The following CDC42BPA variants were observed in gnomAD, a reference collection of about 807,000 sequenced individuals.
The protein encoded by CDC42BPA is CDC42 binding protein kinase alpha.
Under a neutral mutation model 223.5 loss-of-function variants are expected in CDC42BPA, and 80 were observed. That is an observed-to-expected ratio of 0.36 (90% CI 0.30 to 0.43). The LOEUF (loss-of-function observed/expected upper bound fraction) is 0.43. Ranked by LOEUF, CDC42BPA falls within the 20% of genes least tolerant of loss-of-function variation. The probability of loss-of-function intolerance (pLI) is 1.00; values close to 1 mark genes in which losing one functional copy is unlikely to be tolerated. For missense variants in CDC42BPA, 1,743 were observed against 2,099.9 expected, an observed-to-expected ratio of 0.83 and a Z score of 3.32; for synonymous variants, 694 against 718.6, an observed-to-expected ratio of 0.97 and a Z score of 0.55.
At chr1:227,044,329 T>G (rs1044159645) in intron 23 of CDC42BPA, among the ~76,000 whole-genome samples, 5 of 152,240 alleles carry the variant, frequency 3.3e-5, no homozygotes, top group African/African-American at 1.2e-4. Context: ...AAAGCATTTT[T>G]AATTTTGATA....
intron 1 of CDC42BPA, among the ~76,000 whole-genome samples, chr1:227,295,541 A>G (rs1405727723): frequency 1.3e-5 from 2 of 152,234 alleles, no homozygotes; most frequent in African/African-American, 4.8e-5. Context: ...AGTACACACA[A>G]TGAAGAGATA....
intron 10 of CDC42BPA, among the ~76,000 whole-genome samples, chr1:227,129,589 C>A (rs1410307219): frequency 7.0e-6 from 1 of 143,834 alleles, no homozygotes; most frequent in East Asian, 2.1e-4. Flanking sequence ...ATTGCTTGAG[C>A]CCCGGAGGTT....
intron 6 of CDC42BPA, among the ~76,000 whole-genome samples, chr1:227,157,156 T>C (rs1662974827): frequency 2.0e-5 from 3 of 152,346 alleles, no homozygotes. Context: ...GTACCTTTTA[T>C]GTAAATTAAA....
chr1:227,138,121 T>C (rs1390713513), intron 10 of CDC42BPA, among the ~76,000 whole-genome samples: 1 of 152,088 alleles, frequency 6.6e-6, no homozygotes, highest in Non-Finnish European at 1.5e-5. Flanking sequence ...TAGTCCATTC[T>C]ATTGATGTCT....
At chr1:227,112,517 A>G (rs958340585) in intron 13 of CDC42BPA, 95 bp from the exon 14 acceptor site, 2 of 1,031,106 alleles carry the variant, frequency 1.9e-6, no homozygotes, top group Admixed American at 2.7e-5. Context: ...TAACAGGAAG[A>G]TAATTCAAAT....
chr1:227,196,994 A>G (rs1425593394), intron 4 of CDC42BPA, among the ~76,000 whole-genome samples: 11 of 152,016 alleles, frequency 7.2e-5, no homozygotes, highest in Non-Finnish European at 1.3e-4. Flanking sequence ...ATCTAATCAC[A>G]TAATAATATC....
At chr1:227,186,196 C>T (rs1159287451) in intron 5 of CDC42BPA, among the ~76,000 whole-genome samples, 2 of 152,100 alleles carry the variant, frequency 1.3e-5, no homozygotes, top group African/African-American at 4.8e-5. Context: ...CATAGGGAGG[C>T]CGCACATTTA....
chr1:227,036,809 A>AT (rs1431656625), intron 24 of CDC42BPA, among the ~76,000 whole-genome samples: 1 of 152,216 alleles, frequency 6.6e-6, no homozygotes, highest in African/African-American at 2.4e-5. Flanking sequence ...AAGCAACAAA[A>AT]TAAGTATCCT....
At position 227,038,363 on chromosome 1, in the gene CDC42BPA, T is replaced by C. The variant is rs938284641; in HGVS notation, c.3199+1768A>G. On this transcript the variant is annotated intron_variant, in intron 24 of 36. Transcript: ENST00000366766. ...TTATGCAGTCTTGGGTATATCTTTA[T>C]TAGCAATGTGAGAAGAGACAAATAC... Among the ~76,000 whole-genome samples the C allele has an allele frequency of 1.4e-4, 22 of 152,192 alleles. 1 individual carries two copies. The highest frequency in any genetic ancestry group is 8.5e-4 in the Admixed American group (13 of 15,282).
intron 21 of CDC42BPA, chr1:227,068,369 A>T (rs936653729): frequency 2.2e-4 from 33 of 152,876 alleles, no homozygotes; most frequent in African/African-American, 4.8e-4. Flanking sequence ...TATATATATA[A>T]AAAATAATTA....
intron 1 of CDC42BPA, among the ~76,000 whole-genome samples, chr1:227,287,490 C>T (rs993064578): frequency 6.6e-6 from 1 of 152,192 alleles, no homozygotes; most frequent in Admixed American, 6.5e-5. Flanking sequence ...TAAAATACCT[C>T]TTACCCTGAT....
At chr1:227,160,469 TA>T in intron 6 of CDC42BPA, 73 bp downstream of exon 6, 1 of 976,908 alleles carries the variant, frequency 1.0e-6, no homozygotes, top group Non-Finnish European at 1.7e-6. Context: ...AGATGGTTTC[TA>T]AAACAGATAT....
intron 6 of CDC42BPA, among the ~76,000 whole-genome samples, chr1:227,156,785 C>T (rs925520512): frequency 1.3e-5 from 2 of 152,112 alleles, no homozygotes; most frequent in Non-Finnish European, 2.9e-5. Context: ...TTGAGTCCAT[C>T]GGGCTTGTAA....
chr1:227,092,731 CAA>C (rs1355533162), intron 15 of CDC42BPA, among the ~76,000 whole-genome samples: 1 of 152,078 alleles, frequency 6.6e-6, no homozygotes, highest in African/African-American at 2.4e-5. Context: ...TTATTATTAG[CAA>C]AGTTACAAGA....
intron 2 of CDC42BPA, among the ~76,000 whole-genome samples, chr1:227,226,840 A>G (rs975530250): frequency 1.3e-5 from 2 of 152,226 alleles, no homozygotes; most frequent in Non-Finnish European, 2.9e-5. Context: ...GAGTAACATC[A>G]GCTGATTAGA....
intron 4 of CDC42BPA, among the ~76,000 whole-genome samples, chr1:227,194,414 C>T (rs12562091): frequency 6.6e-6 from 1 of 152,164 alleles, no homozygotes; most frequent in African/African-American, 2.4e-5. Flanking sequence ...CAGCATCAGC[C>T]TATAGATCAG....
At chr1:227,093,098 C>T (rs1220414004) in intron 15 of CDC42BPA, among the ~76,000 whole-genome samples, 1 of 152,206 alleles carries the variant, frequency 6.6e-6, no homozygotes, top group Non-Finnish European at 1.5e-5. Context: ...ATTTAGTAGT[C>T]ATGTCTCTTC....
At chr1:227,216,003 G>A (rs934305090) in intron 2 of CDC42BPA, among the ~76,000 whole-genome samples, 4 of 151,954 alleles carry the variant, frequency 2.6e-5, no homozygotes, top group Admixed American at 1.3e-4. Context: ...CAGTATGACA[G>A]AAAAATTACT....
intron 1 of CDC42BPA, among the ~76,000 whole-genome samples, chr1:227,278,381 A>C (rs1329171702): frequency 6.6e-6 from 1 of 152,236 alleles, no homozygotes; most frequent in Non-Finnish European, 1.5e-5. Flanking sequence ...AAATGTCCAC[A>C]ACATAATCTA....
Sources: gnomAD v4.1 joint callset for allele counts (sites outside exome capture counted in the v4.1 genomes callset) on GRCh38, gnomAD v4.1.1 for gene constraint, MANE v1.5 for transcripts, NCBI Gene and HGNC (gene_info 2026-07-23, HGNC 2026-07-21) for gene names.